The following SCFD2 variants were observed in gnomAD, a reference collection of about 807,000 sequenced individuals.
The protein encoded by SCFD2 is sec1 family domain-containing protein 2.
In SCFD2, 54 loss-of-function variants were observed where a neutral mutation model predicts 58.9. The ratio of observed to expected loss-of-function variants is 0.92; its 90% CI spans 0.74 to 1.15. The LOEUF is 1.15. Ranked by LOEUF, SCFD2 falls within the 50% of genes most tolerant of loss-of-function variation. SCFD2 has a pLI of 0.00. For missense variants in SCFD2, 805 were observed against 836.6 expected, an observed-to-expected ratio of 0.96 and a Z score of 0.47; for synonymous variants, 321 against 335.9, an observed-to-expected ratio of 0.96 and a Z score of 0.49.
intron 4 of SCFD2, among the ~76,000 whole-genome samples, chr4:53,264,294 C>T (rs1408684082): frequency 8.5e-5 from 13 of 152,128 alleles, no homozygotes; most frequent in Non-Finnish European, 1.9e-4. Flanking sequence ...TGATCCAGTT[C>T]CTCCAAATGG....
rs189853048 is a variant in SCFD2 at position 53,353,037 on chromosome 4, G to A, written c.839-271C>T. Among the ~76,000 whole-genome samples the A allele has an allele frequency of 3.3e-5, 5 of 152,288 alleles. No individual in the cohort carries two copies. The East Asian group carries it at 9.6e-4, about 29-fold the overall frequency. ...CCTAGCACCTAGCGTGTCTGGAATTGGTGAGTTCTTGGTCTTGCTGACTTC... is the reference window on the plus strand; with the variant it reads ...CCTAGCACCTAGCGTGTCTGGAATTAGTGAGTTCTTGGTCTTGCTGACTTC... On this transcript the variant is annotated intron_variant, in intron 1 of 8. Transcript: ENST00000401642.
At chr4:53,248,548 G>A (rs1730208155) in intron 4 of SCFD2, among the ~76,000 whole-genome samples, 2 of 152,174 alleles carry the variant, frequency 1.3e-5, no homozygotes, top group Non-Finnish European at 2.9e-5. Flanking sequence ...AGAGAGCAGT[G>A]GTTCTCCCAG....
At chr4:53,064,369 G>A (rs1723598365) in intron 5 of SCFD2, among the ~76,000 whole-genome samples, 1 of 152,020 alleles carries the variant, frequency 6.6e-6, no homozygotes, top group Non-Finnish European at 1.5e-5. Context: ...GCAATAGACT[G>A]CCATTTAAAG....
intron 4 of SCFD2, among the ~76,000 whole-genome samples, chr4:53,168,969 C>T (rs1727094822): frequency 6.6e-6 from 1 of 152,180 alleles, no homozygotes; most frequent in Admixed American, 6.6e-5. Context: ...ATTTTAGATT[C>T]CACATATAAG....
chr4:53,337,210 T>C (rs1189715289), intron 2 of SCFD2, among the ~76,000 whole-genome samples: 1 of 152,210 alleles, frequency 6.6e-6, no homozygotes, highest in Non-Finnish European at 1.5e-5. Context: ...ACTTCTTGTG[T>C]GTTCACATGG....
chr4:53,137,530 C>T (rs1458030997), intron 5 of SCFD2, among the ~76,000 whole-genome samples: 1 of 152,134 alleles, frequency 6.6e-6, no homozygotes, highest in Non-Finnish European at 1.5e-5. Context: ...AATTGATAGT[C>T]CCAAATTATC....
At chr4:53,148,225 A>G (rs1413380663) in intron 4 of SCFD2, among the ~76,000 whole-genome samples, 2 of 152,214 alleles carry the variant, frequency 1.3e-5, no homozygotes, top group African/African-American at 2.4e-5. Context: ...AATCATCATC[A>G]TGATCATTTG....
rs532535125 is a variant in SCFD2, at chr4:52,904,263, C to G, written c.1842+3194G>C. 3.9e-5 allele frequency among the ~76,000 whole-genome samples: 6 copies of G among 152,322 alleles called. No individual in the cohort carries two copies. The South Asian group carries it at 6.2e-4, about 16-fold the overall frequency. Reference sequence around the variant, plus strand: ...TTCTAGAATTATCCCATTTGTACGGCAGCACCCTGAGCACAGGAAGGATTC... The same window carrying G: ...TTCTAGAATTATCCCATTTGTACGGGAGCACCCTGAGCACAGGAAGGATTC... On this transcript the variant is annotated intron_variant, in intron 7 of 8. Coordinates refer to ENST00000401642, the MANE Select transcript of SCFD2 (RefSeq NM_152540.4).
intron 8 of SCFD2, among the ~76,000 whole-genome samples, chr4:52,874,831 AG>A (rs1718434381): frequency 6.6e-6 from 1 of 152,210 alleles, no homozygotes; most frequent in South Asian, 2.1e-4. Context: ...TCCTATTTCC[AG>A]TAAGGTCATA....
intron 5 of SCFD2, among the ~76,000 whole-genome samples, chr4:53,065,131 T>A (rs543120370): frequency 6.6e-6 from 1 of 151,794 alleles, no homozygotes; most frequent in East Asian, 1.9e-4. Flanking sequence ...ACCTTGAGAG[T>A]GGCAGGAAAA....
chr4:53,335,206 A>AC, intron 2 of SCFD2, among the ~76,000 whole-genome samples: 2 of 147,042 alleles, frequency 1.4e-5, no homozygotes, highest in Admixed American at 6.7e-5. Context: ...AAAAAAAAAA[A>AC]AAAAAAACAA....
At chr4:53,307,159 A>T (rs1310621473) in intron 3 of SCFD2, among the ~76,000 whole-genome samples, 1 of 152,234 alleles carries the variant, frequency 6.6e-6, no homozygotes, top group African/African-American at 2.4e-5. Flanking sequence ...CTGGAGGAAC[A>T]ACCAAATGAA....
intron 5 of SCFD2, among the ~76,000 whole-genome samples, chr4:53,032,978 T>C (rs976464590): frequency 2.6e-5 from 4 of 152,156 alleles, no homozygotes; most frequent in African/African-American, 7.2e-5. Context: ...CTAATAGACA[T>C]CTACAGAACT....
chr4:53,331,454 G>A (rs535529104), intron 2 of SCFD2, among the ~76,000 whole-genome samples: 117 of 152,194 alleles, frequency 7.7e-4, no homozygotes, highest in African/African-American at 2.4e-3. Flanking sequence ...ACTCAAAACC[G>A]CTCAACTACA....
chr4:53,184,875 A>G (rs1274859125), intron 4 of SCFD2, among the ~76,000 whole-genome samples: 1 of 152,148 alleles, frequency 6.6e-6, no homozygotes, highest in Non-Finnish European at 1.5e-5. Context: ...TCTACCAGCT[A>G]CAAGAGATTA....
At chr4:52,876,047 G>A (rs183592288) in intron 8 of SCFD2, among the ~76,000 whole-genome samples, 3 of 151,846 alleles carry the variant, frequency 2.0e-5, no homozygotes, top group East Asian at 3.9e-4. Context: ...ACGTCTTTCA[G>A]GTCTTCCTCA....
chr4:53,247,735 C>G (rs1031991588), intron 4 of SCFD2, among the ~76,000 whole-genome samples: 2 of 149,094 alleles, frequency 1.3e-5, no homozygotes, highest in South Asian at 2.2e-4. Flanking sequence ...GTGGCGGGCG[C>G]CTGTAGTCCC....
rs367766735 is a variant in SCFD2, at chr4:52,907,462, T to C, written c.1837A>G (p.Met613Val). The C allele has an allele frequency of 1.1e-5, 18 of 1,613,788 alleles. No homozygotes were observed. The highest frequency in any genetic ancestry group is 1.7e-5 in the Admixed American group (1 of 60,002). Residue 613 changes from methionine to valine, a missense_variant, in exon 7 of 9, where the codon ATG (methionine) becomes GTG (valine). Met to Val is a conservative substitution (Grantham distance 21). Coordinates refer to ENST00000401642, the MANE Select transcript of SCFD2 (RefSeq NM_152540.4). ...CCTCTCCATGGTTACTTTACCTTCA[T>C]GAACATGCTAAATCCAGTTTTAAGG... is the stretch of plus-strand genomic sequence containing the variant. ...DLLKTGFSMF[M>V]KVSRPHPSDY... is the part of the protein sequence containing the mutation.
intron 3 of SCFD2, among the ~76,000 whole-genome samples, chr4:53,289,129 C>T (rs1731759471): frequency 6.6e-6 from 1 of 152,114 alleles, no homozygotes; most frequent in Non-Finnish European, 1.5e-5. Flanking sequence ...CTTTGGGAGG[C>T]CGAGGCAGGT....
Sources: allele counts gnomAD v4.1 joint callset (sites outside exome capture counted in the v4.1 genomes callset), GRCh38; gene constraint gnomAD v4.1.1; transcripts MANE v1.5; gene names NCBI Gene and HGNC (gene_info 2026-07-23, HGNC 2026-07-21).